Variants in GALK2 observed in about 807,000 individuals in gnomAD.
The protein encoded by GALK2 is galactokinase 2.
In GALK2, 36 loss-of-function variants were observed where a neutral mutation model predicts 52.4. The observed-to-expected ratio is 0.69, with a 90% CI of 0.53 to 0.91. The LOEUF is 0.91. Ranked by LOEUF, GALK2 falls within the 40% of genes least tolerant of loss-of-function variation. The pLI is 0.00. For synonymous variants in GALK2, 176 were observed against 199.1 expected, an observed-to-expected ratio of 0.88 and a Z score of 0.98; for missense variants, 579 against 559.1, an observed-to-expected ratio of 1.04 and a Z score of -0.36.
At chr15:49,343,005 T>A (rs1394445608) in intron 3 of GALK2, among the ~76,000 whole-genome samples, 1 of 152,306 alleles carries the variant, frequency 6.6e-6, no homozygotes, top group East Asian at 1.9e-4. Flanking sequence ...TTGGTGATGT[T>A]CATTTTGTAT....
At position 49,188,884 on chromosome 15, in the gene GALK2, G is replaced by T. The variant is rs539297186; in HGVS notation, c.54-12278G>T. Among the ~76,000 whole-genome samples the T allele has an allele frequency of 2.3e-4, 35 of 152,300 alleles. No homozygotes were observed. In the South Asian group the frequency reaches 6.2e-3, roughly 27 times the overall value. ...TAAAAATAGAGAGGTGCTAGGCTAGGCATGGCAGAACAGTTGGTTTTCACA... is the reference window on the plus strand; with the variant it reads ...TAAAAATAGAGAGGTGCTAGGCTAGTCATGGCAGAACAGTTGGTTTTCACA... On this transcript the variant is annotated intron_variant, in intron 1 of 9. Transcript: ENST00000560031.
intron 3 of GALK2, among the ~76,000 whole-genome samples, chr15:49,356,969 T>C (rs1239919612): frequency 1.3e-5 from 2 of 150,110 alleles, no homozygotes; most frequent in Non-Finnish European, 3.0e-5. Context: ...CTGAACAACC[T>C]GCTCCTGAAT....
rs1003463659 is a variant in GALK2 at position 49,210,447 on chromosome 15, T to C, written c.143-6743T>C. ...TTTATTTTATTTTATTTTATTATTA[T>C]TATTTTTTTGAGATGGAGTTCTGCT... On this transcript the variant is annotated intron_variant, in intron 2 of 9. Transcript: ENST00000560031. 8.5e-4 allele frequency among the ~76,000 whole-genome samples: 129 copies of C among 151,798 alleles called. 1 individual carries two copies. Among genetic ancestry groups the C allele is most frequent in the African/African-American group, 2.9e-3 (120 of 41,424 alleles).
intron 3 of GALK2, among the ~76,000 whole-genome samples, chr15:49,230,716 G>T (rs563001630): frequency 6.6e-6 from 1 of 152,276 alleles, no homozygotes; most frequent in South Asian, 2.1e-4. Context: ...GACACACACA[G>T]GGTAGACACT....
chr15:49,329,452 A>G lies in GALK2; in HGVS notation c.*1293A>G, dbSNP rs905164159. ...TTACTTATTATTCTGTGATTTCATT[A>G]GCTCATTAATGTTTAACTCACAGAT... is the stretch of plus-strand genomic sequence containing the variant. On this transcript the variant is annotated 3_prime_UTR_variant, in exon 10 of 10. Coordinates refer to ENST00000560031, the MANE Select transcript of GALK2 (RefSeq NM_002044.4). 1 of 984,658 alleles carries G rather than the reference A, an allele frequency of 1.0e-6. No homozygotes were observed. Among genetic ancestry groups the G allele is most frequent in the African/African-American group, 1.7e-5 (1 of 57,236 alleles). The allele number at this position is 984,658 out of a possible 1,614,324, so 61.0% of individuals were successfully genotyped here. A position where few individuals can be genotyped will look rare whatever the true frequency, so the allele number is the denominator to read the frequency against.
Position 49,330,012 on chromosome 15 carries a change from A to G in GALK2, c.*1853A>G, listed in dbSNP as rs1407259250. On this transcript the variant is annotated 3_prime_UTR_variant, in exon 10 of 10. Coordinates refer to ENST00000560031, the MANE Select transcript of GALK2 (RefSeq NM_002044.4). ...AAAAGAACTATGTTTCAGTCTTACT[A>G]TCACTGTGTGGTATCTAGATATTAT... The G allele has an allele frequency of 6.5e-6, 1 of 153,116 alleles. No individual in the cohort carries two copies. Among genetic ancestry groups the G allele is most frequent in the Non-Finnish European group, 1.5e-5 (1 of 68,868 alleles). 9.5% of individuals were successfully genotyped at this position (153,116 alleles called of 1,614,324 possible).
chr15:49,212,454 A>C (rs1275437550), intron 2 of GALK2, among the ~76,000 whole-genome samples: 1 of 145,134 alleles, frequency 6.9e-6, no homozygotes. Context: ...GCAAAACACC[A>C]ACTTTTAATT....
chr15:49,187,127 C>T (rs1042248506), intron 1 of GALK2, among the ~76,000 whole-genome samples: 30 of 152,206 alleles, frequency 2.0e-4, no homozygotes, highest in Admixed American at 1.9e-3. Context: ...AGTCTTTGGT[C>T]ACTGCAGCTA....
intron 3 of GALK2, among the ~76,000 whole-genome samples, chr15:49,337,430 C>A (rs2039912602): frequency 7.0e-6 from 1 of 143,670 alleles, no homozygotes; most frequent in Non-Finnish European, 1.5e-5. Context: ...GTTTGCATTT[C>A]TCTGCTGACG....
intron 1 of GALK2, among the ~76,000 whole-genome samples, chr15:49,173,416 G>A (rs1279146635): frequency 1.3e-5 from 2 of 152,024 alleles, no homozygotes; most frequent in East Asian, 1.9e-4. Context: ...GAGCTAGCAG[G>A]GTGACACTGA....
chr15:49,208,779 GCTGT>G (rs1248492689), intron 2 of GALK2, among the ~76,000 whole-genome samples: 1 of 152,130 alleles, frequency 6.6e-6, no homozygotes, highest in Non-Finnish European at 1.5e-5. Flanking sequence ...TTATTGTGTT[GCTGT>G]CTATCTCATT....
intron 8 of GALK2, among the ~76,000 whole-genome samples, chr15:49,307,721 T>G (rs2035660214): frequency 6.6e-6 from 1 of 152,154 alleles, no homozygotes; most frequent in African/African-American, 2.4e-5. Flanking sequence ...TCTTGCTACT[T>G]TGGAAATCTG....
chr15:49,291,359 T>C (rs541646938), intron 7 of GALK2, among the ~76,000 whole-genome samples: 1 of 152,322 alleles, frequency 6.6e-6, no homozygotes, highest in East Asian at 1.9e-4. Context: ...CAGAAGTCAG[T>C]GGCTGTAACC....
intron 9 of GALK2, among the ~76,000 whole-genome samples, chr15:49,323,751 A>G (rs911137982): frequency 3.9e-5 from 6 of 152,130 alleles, no homozygotes; most frequent in Non-Finnish European, 5.9e-5. Flanking sequence ...CACCACTGCT[A>G]GCTGTCTTTT....
chr15:49,245,283 A>G (rs1301580266), intron 5 of GALK2, among the ~76,000 whole-genome samples: 1 of 152,336 alleles, frequency 6.6e-6, no homozygotes, highest in Non-Finnish European at 1.5e-5. Flanking sequence ...GCAAAGAGCC[A>G]AAAGTATTTG....
Position 49,265,524 on chromosome 15 carries a change from C to G in GALK2, c.505-16463C>G, listed in dbSNP as rs183070110. 4.0e-3 allele frequency among the ~76,000 whole-genome samples: 610 copies of G among 152,358 alleles called. 4 individuals are homozygous for G. The highest frequency in any genetic ancestry group is 0.018 in the Admixed American group (270 of 15,310). ...GAACTCCCTGACCCGTTGCGCTTCCCGAGTGAGGCAATGCCTCGCCCTGTT... is the reference window on the plus strand; with the variant it reads ...GAACTCCCTGACCCGTTGCGCTTCCGGAGTGAGGCAATGCCTCGCCCTGTT... On this transcript the variant is annotated intron_variant, in intron 5 of 9. Transcript: ENST00000560031.
chr15:49,204,027 A>G (rs2088028843), intron 2 of GALK2, among the ~76,000 whole-genome samples: 1 of 151,466 alleles, frequency 6.6e-6, no homozygotes, highest in South Asian at 2.1e-4. Context: ...AGGCACGAGA[A>G]TCTCTTGAAT....
intron 1 of GALK2, among the ~76,000 whole-genome samples, chr15:49,181,045 TTCCTTCCC>T (rs1012512301): frequency 5.6e-5 from 7 of 125,086 alleles, no homozygotes; most frequent in African/African-American, 1.8e-4. Flanking sequence ...CCTTCCTTCC[TTCCTTCCC>T]TCCCTCCCTC....
chr15:49,228,249 G>C (rs927682742), intron 3 of GALK2, among the ~76,000 whole-genome samples: 1 of 152,082 alleles, frequency 6.6e-6, no homozygotes, highest in Non-Finnish European at 1.5e-5. Flanking sequence ...TCCTGTATCA[G>C]AATATGTAAA....
Sources: gnomAD v4.1 joint callset for allele counts (sites outside exome capture counted in the v4.1 genomes callset) on GRCh38, gnomAD v4.1.1 for gene constraint, MANE v1.5 for transcripts, NCBI Gene and HGNC (gene_info 2026-07-23, HGNC 2026-07-21) for gene names.